VMP1: variants seen among roughly 807,000 people sequenced by gnomAD.
VMP1 encodes ectopic P-granules autophagy protein 3 homolog.
VMP1 carries 11 observed loss-of-function variants against 56.0 expected under a neutral mutation model. That is an observed-to-expected ratio of 0.20 (90% CI 0.12 to 0.32). VMP1 has a LOEUF of 0.32. VMP1 is among the 10% of genes least tolerant of loss of function. The probability of loss-of-function intolerance (pLI) is 1.00; values close to 1 mark genes in which losing one functional copy is unlikely to be tolerated. For synonymous variants in VMP1, 149 were observed against 165.0 expected, an observed-to-expected ratio of 0.90 and a Z score of 0.74; for missense variants, 296 against 490.3, an observed-to-expected ratio of 0.60 and a Z score of 3.74.
chr17:59,781,774 G>A (rs2036832074), intron 7 of VMP1, among the ~76,000 whole-genome samples: 1 of 152,098 alleles, frequency 6.6e-6, no homozygotes, highest in East Asian at 1.9e-4. Context: ...TCTAACAGGT[G>A]CATATATCTT....
At chr17:59,820,422 C>A (rs1372193366) in intron 10 of VMP1, among the ~76,000 whole-genome samples, 3 of 152,192 alleles carry the variant, frequency 2.0e-5, no homozygotes, top group African/African-American at 7.2e-5. Context: ...ACTAGTACCT[C>A]CCAATCATGA....
At chr17:59,838,100 CTTTTTTT>C (rs371074488) in intron 10 of VMP1, 188 bp from the exon 11 acceptor site, 20 of 129,360 alleles carry the variant, frequency 1.5e-4, no homozygotes, top group African/African-American at 5.9e-4. Flanking sequence ...AGTAAATTTT[CTTTTTTT>C]TTTTTTTTTT....
In VMP1 at chr17:59,737,429, T is replaced by A. The variant is rs1162585995; in HGVS notation, c.213-24T>A. On this transcript the variant is annotated intron_variant, in intron 3 of 11. Coordinates refer to ENST00000262291, the MANE Select transcript of VMP1 (RefSeq NM_030938.5). ...TGCTGAAAGTGAGACTGTGAGATAT[T>A]TATTTTTTTTATTTGTTTTTAAGAT... 3.1e-6 allele frequency: 5 copies of A among 1,594,018 alleles called. No homozygotes were observed. In the South Asian group the frequency reaches 5.7e-5, roughly 18 times the overall value.
intron 10 of VMP1, among the ~76,000 whole-genome samples, chr17:59,837,286 G>C (rs2039013663): frequency 6.6e-6 from 1 of 152,100 alleles, no homozygotes; most frequent in Non-Finnish European, 1.5e-5. Flanking sequence ...GTACATATCG[G>C]AATCTCTTTG....
chr17:59,731,743 A>G (rs2034832391), intron 2 of VMP1, among the ~76,000 whole-genome samples: 1 of 152,202 alleles, frequency 6.6e-6, no homozygotes, highest in South Asian at 2.1e-4. Context: ...GTACAAGATT[A>G]TTACTTGTTA....
At chr17:59,807,218 A>T in intron 7 of VMP1, among the ~76,000 whole-genome samples, 1 of 136,180 alleles carries the variant, frequency 7.3e-6, no homozygotes. Flanking sequence ...TTTTTTTGAG[A>T]CGGAGTCTCG....
intron 1 of VMP1, among the ~76,000 whole-genome samples, chr17:59,727,798 A>G (rs889580820): frequency 1.3e-5 from 2 of 152,146 alleles, no homozygotes; most frequent in African/African-American, 4.8e-5. Context: ...ATCAACAAAC[A>G]TACACATGCA....
At chr17:59,801,368 C>G (rs2144174352) in intron 7 of VMP1, among the ~76,000 whole-genome samples, 1 of 151,340 alleles carries the variant, frequency 6.6e-6, no homozygotes, top group South Asian at 2.1e-4. Flanking sequence ...GCCTCAGTAT[C>G]CCGAGTAACT....
Position 59,795,330 on chromosome 17 carries a change from T to C in VMP1, c.715-13466T>C, listed in dbSNP as rs532756705. On this transcript the variant is annotated intron_variant, in intron 7 of 11. Transcript: ENST00000262291. Reference sequence around the variant, plus strand: ...TGGGGTTTCACCGTGTTGGTCAGGCTGGTCTCGAACTCCTGACTTCAAGTG... The same window carrying C: ...TGGGGTTTCACCGTGTTGGTCAGGCCGGTCTCGAACTCCTGACTTCAAGTG... 1.4e-4 allele frequency among the ~76,000 whole-genome samples: 21 copies of C among 151,736 alleles called. No individual in the cohort carries two copies. The East Asian group carries it at 3.9e-3, about 28-fold the overall frequency.
rs1479292697 is a variant in VMP1 at position 59,842,205 on chromosome 17, T to C, written c.*2294T>C. 2.6e-5 allele frequency: 4 copies of C among 152,188 alleles called. No homozygotes were observed. The highest frequency in any genetic ancestry group is 9.7e-5 in the African/African-American group (4 of 41,442). The allele number at this position is 152,188 out of a possible 1,614,324, so 9.4% of individuals were successfully genotyped here. A position where few individuals can be genotyped will look rare whatever the true frequency, so the allele number is the denominator to read the frequency against. ...AAGAATTTGCAAGTGGATGGTTTGG[T>C]ATCACTGTAAATAAAAAGAGGGCCT... On this transcript the variant is annotated 3_prime_UTR_variant, in exon 12 of 12. Coordinates refer to ENST00000262291, the MANE Select transcript of VMP1 (RefSeq NM_030938.5).
At chr17:59,808,998 T>C (rs950508839) in intron 8 of VMP1, 122 bp downstream of exon 8, 16 of 798,982 alleles carry the variant, frequency 2.0e-5, no homozygotes, top group Middle Eastern at 3.8e-4. Context: ...TTGTGAATCA[T>C]TCACCTTTTT....
rs374904618 is a variant in VMP1 at position 59,820,734 on chromosome 17, A to T, written c.974+2961A>T. ...ATTGTGTCTATTTTTGTTTACTGTT[A>T]TGTCCACTGGTCCTGGCGTCTTGAC... On this transcript the variant is annotated intron_variant, in intron 10 of 11. Transcript: ENST00000262291. Among the ~76,000 whole-genome samples, 6 of 152,196 alleles carry T rather than the reference A, an allele frequency of 3.9e-5. No individual in the cohort carries two copies. In the East Asian group the frequency reaches 7.7e-4, roughly 20 times the overall value.
At chr17:59,810,215 G>A (rs890153305) in intron 8 of VMP1, among the ~76,000 whole-genome samples, 2 of 151,916 alleles carry the variant, frequency 1.3e-5, no homozygotes, top group African/African-American at 2.4e-5. Flanking sequence ...GTGCAGTGGC[G>A]AGATCTTGGC....
chr17:59,755,809 G>GCTCACTGCAACCTTGAA lies in VMP1; in HGVS notation c.415-9158_415-9142dup, dbSNP rs1170446469. ...GCTGGAGTGCAGTGGCATGATCATAGCTCACTGCAACCTTGAACTCCTGGG... is the reference window on the plus strand; with the variant it reads ...GCTGGAGTGCAGTGGCATGATCATAGCTCACTGCAACCTTGAACTCACTGCAACCTTGAACTCCTGGG... On this transcript the variant is annotated intron_variant, in intron 5 of 11. Coordinates refer to ENST00000262291, the MANE Select transcript of VMP1 (RefSeq NM_030938.5). Among the ~76,000 whole-genome samples, 11 of 150,156 alleles carry GCTCACTGCAACCTTGAA rather than the reference G, an allele frequency of 7.3e-5. No individual in the cohort carries two copies. In the East Asian group the frequency reaches 2.2e-3, roughly 30 times the overall value.
chr17:59,825,691 C>A (rs2038625483), intron 10 of VMP1, among the ~76,000 whole-genome samples: 1 of 152,144 alleles, frequency 6.6e-6, no homozygotes, highest in African/African-American at 2.4e-5. Flanking sequence ...AACTTGAGGG[C>A]TGGGGGATGG....
At chr17:59,755,194 A>G (rs1381510633) in intron 5 of VMP1, among the ~76,000 whole-genome samples, 1 of 151,302 alleles carries the variant, frequency 6.6e-6, no homozygotes, top group Non-Finnish European at 1.5e-5. Flanking sequence ...GGCAAACTCC[A>G]TCTCCCACGT....
At chr17:59,791,750 C>T (rs2037238769) in intron 7 of VMP1, among the ~76,000 whole-genome samples, 2 of 152,150 alleles carry the variant, frequency 1.3e-5, no homozygotes, top group South Asian at 4.1e-4. Context: ...AGGCATGAGC[C>T]ACCATGCCTG....
At position 59,786,720 on chromosome 17, in the gene VMP1, G is replaced by A. The variant is rs1041416502; in HGVS notation, c.714+12835G>A. Reference sequence around the variant, plus strand: ...CCCTGTAACCACAGGGCTTGTTAAAGAATTTGTCAGCGTGGACTCTAGAGG... The same window carrying A: ...CCCTGTAACCACAGGGCTTGTTAAAAAATTTGTCAGCGTGGACTCTAGAGG... On this transcript the variant is annotated intron_variant, in intron 7 of 11. Transcript: ENST00000262291. 2.0e-5 allele frequency among the ~76,000 whole-genome samples: 3 copies of A among 152,274 alleles called. No homozygotes were observed. The East Asian group carries it at 5.8e-4, about 29-fold the overall frequency.
At chr17:59,838,221 ATTTTCT>A in intron 10 of VMP1, 68 bp from the exon 11 acceptor site, 1 of 1,316,694 alleles carries the variant, frequency 7.6e-7, no homozygotes, top group South Asian at 1.3e-5. Context: ...TGGTAAGTAC[ATTTTCT>A]TTAACGTTTT....
Sources: allele counts gnomAD v4.1 joint callset (sites outside exome capture counted in the v4.1 genomes callset), GRCh38; gene constraint gnomAD v4.1.1; transcripts MANE v1.5; gene names NCBI Gene and HGNC (gene_info 2026-07-23, HGNC 2026-07-21).